The following ANO4 variants were observed in gnomAD, a reference collection of about 807,000 sequenced individuals.
ANO4 encodes anoctamin-4.
In ANO4, 69 loss-of-function variants were observed where a neutral mutation model predicts 141.9. That is an observed-to-expected ratio of 0.49 (90% CI 0.40 to 0.59). The LOEUF is 0.59. Among genes scored for constraint, ANO4 ranks in the 20% least tolerant of loss-of-function variants. The pLI is 0.00. For missense variants in ANO4, 894 were observed against 1,162.2 expected, an observed-to-expected ratio of 0.77 and a Z score of 3.36; for synonymous variants, 350 against 394.3, an observed-to-expected ratio of 0.89 and a Z score of 1.33.
chr12:100,762,903 G>A (rs11110509), intron 3 of ANO4, among the ~76,000 whole-genome samples: 11,660 of 152,136 alleles, frequency 0.077, 704 homozygotes, highest in East Asian at 0.25. Flanking sequence ...CATAGTAGGC[G>A]CCTAGTGGAT....
At position 100,837,046 on chromosome 12, in the gene ANO4, AGGTT is replaced by A. The variant is rs1441784441; in HGVS notation, c.-141+42021_-141+42024del. ...AGAGAAAAGCAATATTTTAATAGGTAGGTTGAAGAAATGATATCAGAGAAGCCAG... is the reference window on the plus strand; with the variant it reads ...AGAGAAAAGCAATATTTTAATAGGTAGAAGAAATGATATCAGAGAAGCCAG... On this transcript the variant is annotated intron_variant, in intron 1 of 27. Coordinates refer to ENST00000392977, the MANE Select transcript of ANO4 (RefSeq NM_001286615.2). Among the ~76,000 whole-genome samples the A allele has an allele frequency of 2.0e-5, 3 of 152,182 alleles. No homozygotes were observed. In the East Asian group the frequency reaches 5.8e-4, roughly 29 times the overall value.
chr12:100,838,229 CAAAAAAAAAAA>C (rs11331726), intron 1 of ANO4, among the ~76,000 whole-genome samples: 1 of 84,242 alleles, frequency 1.2e-5, no homozygotes, highest in Admixed American at 1.4e-4. Flanking sequence ...GACTCCGTCT[CAAAAAAAAAAA>C]AAAAAAAAAA....
intron 3 of ANO4, among the ~76,000 whole-genome samples, chr12:100,756,863 T>C (rs2032635908): frequency 6.6e-6 from 1 of 152,168 alleles, no homozygotes; most frequent in Non-Finnish European, 1.5e-5. Context: ...CTGCTTTTCC[T>C]GGTCTTGTCC....
At chr12:100,740,814 A>G (rs11110504) in intron 3 of ANO4, among the ~76,000 whole-genome samples, 1 of 152,374 alleles carries the variant, frequency 6.6e-6, no homozygotes, top group East Asian at 1.9e-4. Flanking sequence ...TTCACATTTC[A>G]GTATTTATAT....
rs776470078 is a variant in ANO4 at position 101,116,686 on chromosome 12, G to T, written c.2458G>T (p.Val820Phe). The T allele has an allele frequency of 5.0e-6, 8 of 1,614,008 alleles. No individual in the cohort carries two copies. The African/African-American group carries it at 8.0e-5, about 16-fold the overall frequency. The change falls in exon 25 of 28, where the codon GTT (valine) becomes TTT (phenylalanine). Residue 820 changes from valine (V) to phenylalanine (F), a missense_variant. By Grantham distance (50) the Val-to-Phe change is conservative (BLOSUM62 -1). Transcript: ENST00000392977. ...ATGTGCCTCCTCTTATAGGTGCATG[G>T]TTGGCTATGTGAATGCCAGCTTGTC... ...GQGEAGQKCM[V>F]GYVNASLSVF...
intron 17 of ANO4, among the ~76,000 whole-genome samples, chr12:101,091,490 G>T (rs141100679): frequency 1.8e-4 from 28 of 152,052 alleles, no homozygotes; most frequent in African/African-American, 6.5e-4. Flanking sequence ...ATTTTAAGTC[G>T]TTTCTATCAG....
At chr12:100,793,371 CCTT>C (rs2034126069), upstream of ANO4, among the ~76,000 whole-genome samples, 1 of 152,122 alleles carries the variant, frequency 6.6e-6, no homozygotes, top group South Asian at 2.1e-4. Flanking sequence ...TTTTTTATGG[CCTT>C]CTGCTGTGAC....
chr12:101,038,940 AG>A (rs1447814173), intron 10 of ANO4: 1 of 152,018 alleles, frequency 6.6e-6, no homozygotes, highest in African/African-American at 2.4e-5. Context: ...TAAATAAGAA[AG>A]GGCTTCTCCA....
At chr12:101,093,229 A>G (rs2049848633) in intron 17 of ANO4, among the ~76,000 whole-genome samples, 1 of 152,190 alleles carries the variant, frequency 6.6e-6, no homozygotes, top group Admixed American at 6.5e-5. Flanking sequence ...CATACAGATT[A>G]TGTTGTTTAT....
At chr12:100,840,297 G>GT (rs887429632) in intron 1 of ANO4, among the ~76,000 whole-genome samples, 1 of 152,094 alleles carries the variant, frequency 6.6e-6, no homozygotes, top group African/African-American at 2.4e-5. Context: ...ATTGGTTCTT[G>GT]TAAGTGTTGA....
chr12:101,047,131 C>T lies in ANO4; in HGVS notation c.1252-1210C>T, dbSNP rs1479202711. Among the ~76,000 whole-genome samples, 11 of 152,114 alleles carry T rather than the reference C, an allele frequency of 7.2e-5. No homozygotes were observed. The South Asian group carries it at 1.0e-3, about 14-fold the overall frequency. ...GGGCATGATGGCGGGTGCCTGTAAT[C>T]GCAGCTACTTGGGAGGCTGAGACAG... On this transcript the variant is annotated intron_variant, in intron 13 of 27. Transcript: ENST00000392977.
At chr12:100,799,483 C>A (rs2034549145) in intron 1 of ANO4, among the ~76,000 whole-genome samples, 1 of 152,186 alleles carries the variant, frequency 6.6e-6, no homozygotes, top group Admixed American at 6.5e-5. Context: ...TGGCCCATGC[C>A]TGTAAATCCC....
chr12:100,803,132 G>A (rs2034795276), intron 1 of ANO4, among the ~76,000 whole-genome samples: 1 of 152,186 alleles, frequency 6.6e-6, no homozygotes, highest in African/African-American at 2.4e-5. Flanking sequence ...AACATGGGAT[G>A]GAAATGGATC....
chr12:100,916,252 G>A (rs1464097397), intron 2 of ANO4, among the ~76,000 whole-genome samples: 1 of 151,908 alleles, frequency 6.6e-6, no homozygotes, highest in East Asian at 1.9e-4. Context: ...TTGATATTTT[G>A]TTTATTATTT....
intron 1 of ANO4, among the ~76,000 whole-genome samples, chr12:100,723,908 A>G (rs2030979925): frequency 6.6e-6 from 1 of 152,202 alleles, no homozygotes; most frequent in South Asian, 2.1e-4. Context: ...TCCTAGACAC[A>G]CAGTCCACAG....
chr12:101,080,883 T>TATATATATATATATATAA (rs1491584060), intron 15 of ANO4, among the ~76,000 whole-genome samples: 6 of 74,072 alleles, frequency 8.1e-5, no homozygotes, highest in Admixed American at 1.8e-4. Context: ...TATATATATA[T>TATATATATATATATATAA]TATATATATA....
intron 3 of ANO4, among the ~76,000 whole-genome samples, chr12:100,924,070 T>C (rs2041759857): frequency 6.6e-6 from 1 of 152,188 alleles, no homozygotes; most frequent in African/African-American, 2.4e-5. Flanking sequence ...TGTGAAAATT[T>C]TGTCCCATTC....
At chr12:100,843,637 C>T (rs996548030) in intron 1 of ANO4, among the ~76,000 whole-genome samples, 1 of 152,096 alleles carries the variant, frequency 6.6e-6, no homozygotes, top group Admixed American at 6.6e-5. Flanking sequence ...ACATAAAATC[C>T]TGTTATTGTT....
intron 1 of ANO4, among the ~76,000 whole-genome samples, chr12:100,854,568 A>G (rs1327416878): frequency 6.6e-6 from 1 of 151,988 alleles, no homozygotes; most frequent in Non-Finnish European, 1.5e-5. Flanking sequence ...TCCATGCTGC[A>G]TTCTGCATGA....
Sources: allele counts gnomAD v4.1 joint callset (sites outside exome capture counted in the v4.1 genomes callset), GRCh38; gene constraint gnomAD v4.1.1; transcripts MANE v1.5; gene names NCBI Gene and HGNC (gene_info 2026-07-23, HGNC 2026-07-21).